EYS: variants seen among roughly 807,000 people sequenced by gnomAD.
The protein encoded by EYS is EGF-like photoreceptor maintenance factor.
In EYS, 250 loss-of-function variants were observed where a neutral mutation model predicts 282.1. That is an observed-to-expected ratio of 0.89 (90% CI 0.80 to 0.98). The LOEUF is 0.98. EYS is among the 50% of genes least tolerant of loss of function. The pLI is 0.00. For missense variants in EYS, 4,016 were observed against 3,709.0 expected, an observed-to-expected ratio of 1.08 and a Z score of -2.15; for synonymous variants, 1,355 against 1,282.9, an observed-to-expected ratio of 1.06 and a Z score of -1.20.
chr6:64,537,490 A>T (rs1031095127), intron 26 of EYS, among the ~76,000 whole-genome samples: 1 of 152,136 alleles, frequency 6.6e-6, no homozygotes, highest in Admixed American at 6.5e-5. Flanking sequence ...CTGACTTTTT[A>T]AAAAGTCCAT....
At chr6:63,966,519 T>A (rs1190017707) in intron 35 of EYS, among the ~76,000 whole-genome samples, 2 of 150,902 alleles carry the variant, frequency 1.3e-5, no homozygotes, top group Middle Eastern at 3.4e-3. Context: ...AAAAAAAAAC[T>A]GGTTGCTGCT....
At chr6:65,440,104 A>T (rs1186948332) in intron 5 of EYS, among the ~76,000 whole-genome samples, 1 of 152,122 alleles carries the variant, frequency 6.6e-6, no homozygotes, top group Non-Finnish European at 1.5e-5. Flanking sequence ...AAATCACATA[A>T]TTGTGAAAGT....
chr6:65,443,194 TGCGC>T (rs1768452241), intron 5 of EYS, among the ~76,000 whole-genome samples: 1 of 151,832 alleles, frequency 6.6e-6, no homozygotes, highest in Non-Finnish European at 1.5e-5. Context: ...TATACATATG[TGCGC>T]ACATATATGT....
At chr6:65,307,962 TA>T (rs1343103127) in intron 11 of EYS, among the ~76,000 whole-genome samples, 42 of 150,444 alleles carry the variant, frequency 2.8e-4, no homozygotes, top group Admixed American at 6.6e-4. Flanking sequence ...AAGAGCCTTT[TA>T]TTTTTATTTA....
intron 22 of EYS, among the ~76,000 whole-genome samples, chr6:64,764,804 T>A (rs1276936514): frequency 2.0e-5 from 3 of 152,202 alleles, no homozygotes; most frequent in Non-Finnish European, 4.4e-5. Flanking sequence ...AATGGTATGA[T>A]CTTGGCTCAC....
chr6:64,699,812 C>G (rs879444934), intron 22 of EYS, among the ~76,000 whole-genome samples: 2 of 151,934 alleles, frequency 1.3e-5, no homozygotes, highest in Admixed American at 1.3e-4. Flanking sequence ...TCAAGAAATT[C>G]GAAGAGAAGG....
intron 2 of EYS, among the ~76,000 whole-genome samples, chr6:65,589,043 G>A (rs1348384140): frequency 6.6e-6 from 1 of 151,866 alleles, no homozygotes; most frequent in African/African-American, 2.4e-5. Flanking sequence ...CTCCTGATAA[G>A]TTTATTTTCT....
chr6:64,817,371 C>T (rs1230059831), intron 21 of EYS, among the ~76,000 whole-genome samples: 1 of 151,794 alleles, frequency 6.6e-6, no homozygotes, highest in Non-Finnish European at 1.5e-5. Context: ...GAAAGAATAA[C>T]AAAAAATAGA....
At chr6:63,728,461 G>A (rs1184046164) in intron 41 of EYS, among the ~76,000 whole-genome samples, 1 of 152,146 alleles carries the variant, frequency 6.6e-6, no homozygotes, top group African/African-American at 2.4e-5. Context: ...GCAAAACTGA[G>A]TGGAAAGTAT....
intron 16 of EYS, among the ~76,000 whole-genome samples, chr6:64,907,210 C>T (rs1055801776): frequency 1.1e-4 from 17 of 152,198 alleles, no homozygotes; most frequent in African/African-American, 2.9e-4. Context: ...TGAACCACCA[C>T]GCACTGCTAA....
intron 22 of EYS, among the ~76,000 whole-genome samples, chr6:64,630,296 A>C (rs1931844): frequency 0.6 from 91,591 of 151,736 alleles, 27,805 homozygotes; most frequent in South Asian, 0.68. Context: ...ACGGGATTTC[A>C]CCATGTTGGC....
chr6:65,634,238 T>A (rs754973033), intron 2 of EYS, among the ~76,000 whole-genome samples: 2 of 152,198 alleles, frequency 1.3e-5, no homozygotes, highest in Non-Finnish European at 2.9e-5. Flanking sequence ...GGTGCCTAAC[T>A]ACATTTCTGA....
intron 14 of EYS, among the ~76,000 whole-genome samples, chr6:64,962,662 C>A (rs749244770): frequency 1.3e-5 from 2 of 151,892 alleles, no homozygotes. Flanking sequence ...GCTTGAGGGA[C>A]GCTTGAGCCC....
intron 35 of EYS, among the ~76,000 whole-genome samples, chr6:63,924,413 A>ACAG (rs1398946832): frequency 1.3e-5 from 2 of 152,206 alleles, no homozygotes; most frequent in African/African-American, 4.8e-5. Context: ...AGTGGCATGC[A>ACAG]AGTGATACAC....
rs544303896 is a variant in EYS at position 64,925,512 on chromosome 6, T to C, written c.2382-12769A>G. 1.5e-4 allele frequency among the ~76,000 whole-genome samples: 23 copies of C among 152,108 alleles called. 2 individuals carry two copies. In the South Asian group the frequency reaches 4.4e-3, roughly 29 times the overall value. On this transcript the variant is annotated intron_variant, in intron 15 of 42. Coordinates refer to ENST00000503581, the MANE Select transcript of EYS (RefSeq NM_001142800.2). Reference sequence around the variant, plus strand: ...GGCCTCCTAATGAGCAAGGGTGGTGTGAATAATAGTGGTAGCAGAGGTCAT... The same window carrying C: ...GGCCTCCTAATGAGCAAGGGTGGTGCGAATAATAGTGGTAGCAGAGGTCAT...
intron 5 of EYS, among the ~76,000 whole-genome samples, chr6:65,474,001 G>A (rs1376501495): frequency 6.6e-6 from 1 of 151,926 alleles, no homozygotes; most frequent in Non-Finnish European, 1.5e-5. Context: ...TTGCAGTTAA[G>A]GAGACCAAAA....
At chr6:65,152,517 C>T (rs978430337) in intron 12 of EYS, among the ~76,000 whole-genome samples, 11 of 151,724 alleles carry the variant, frequency 7.3e-5, no homozygotes, top group African/African-American at 2.7e-4. Context: ...AGGTAAAGAG[C>T]CAGAAAGAGG....
intron 36 of EYS, among the ~76,000 whole-genome samples, chr6:63,850,063 A>G (rs1772205770): frequency 6.6e-6 from 1 of 152,186 alleles, no homozygotes; most frequent in African/African-American, 2.4e-5. Flanking sequence ...GATCAAGTGG[A>G]AGAAAGGATA....
intron 36 of EYS, among the ~76,000 whole-genome samples, chr6:63,856,447 G>A (rs1157336163): frequency 6.6e-6 from 1 of 152,188 alleles, no homozygotes; most frequent in African/African-American, 2.4e-5. Flanking sequence ...AGAACATTTG[G>A]CCTTGAGAGT....
Sources: allele counts gnomAD v4.1 joint callset (sites outside exome capture counted in the v4.1 genomes callset), GRCh38; gene constraint gnomAD v4.1.1; transcripts MANE v1.5; gene names NCBI Gene and HGNC (gene_info 2026-07-23, HGNC 2026-07-21).